Variants in DTL observed in about 807,000 individuals in gnomAD.
DTL encodes denticleless protein homolog.
A neutral mutation model predicts 87.0 loss-of-function variants in DTL; 46 were observed. The ratio of observed to expected loss-of-function variants is 0.53; its 90% CI spans 0.42 to 0.68. The LOEUF is 0.68. Ranked by LOEUF, DTL falls within the 30% of genes least tolerant of loss-of-function variation. DTL has a pLI of 0.00. For missense variants in DTL, 737 were observed against 869.4 expected (o/e 0.85, Z 1.91); for synonymous variants, 308 against 311.2 (o/e 0.99, Z 0.11).
At chr1:212,100,125 A>T in intron 13 of DTL, 127 bp from the exon 14 acceptor site, 1 of 631,990 alleles carries the variant, frequency 1.6e-6, no homozygotes, top group South Asian at 2.4e-5. Flanking sequence ...GAATCAAGTG[A>T]TGTATACCTA....
At chr1:212,097,878 A>G (rs1031433199) in intron 13 of DTL, among the ~76,000 whole-genome samples, 16 of 144,262 alleles carry the variant, frequency 1.1e-4, no homozygotes, top group African/African-American at 3.1e-4. Flanking sequence ...CTGGGACTCA[A>G]TGTGTGCTGT....
rs551840594 is a variant in DTL at position 212,074,028 on chromosome 1, T to C, written c.1035+1815T>C. On this transcript the variant is annotated intron_variant, in intron 11 of 14. Transcript: ENST00000366991. The stretch of plus-strand genomic sequence containing the variant: ...TTTATTCCTACCACAGGTCTGTATC[T>C]TTTAAGGTTTGTTTCTTGTTAAAAA... 2.0e-5 allele frequency among the ~76,000 whole-genome samples: 3 copies of C among 152,098 alleles called. No individual in the cohort carries two copies. In the East Asian group the frequency reaches 5.8e-4, roughly 29 times the overall value.
intron 3 of DTL, among the ~76,000 whole-genome samples, chr1:212,045,585 A>G (rs1571940845): frequency 6.6e-6 from 1 of 152,256 alleles, no homozygotes; most frequent in Non-Finnish European, 1.5e-5. Flanking sequence ...AGAAGTAGAA[A>G]GAAAACACAC....
intron 7 of DTL, 99 bp downstream of exon 7, chr1:212,065,128 C>T: frequency 8.1e-6 from 7 of 867,696 alleles, no homozygotes; most frequent in Non-Finnish European, 1.3e-5. Context: ...TCATGATTCT[C>T]ATTTGATATC....
At chr1:212,087,076 G>A (rs1252551707) in intron 13 of DTL, among the ~76,000 whole-genome samples, 2 of 152,122 alleles carry the variant, frequency 1.3e-5, no homozygotes, top group Admixed American at 6.5e-5. Context: ...TTATTCTAAG[G>A]ACCTACTTGG....
At position 212,078,165 on chromosome 1, in the gene DTL, T is replaced by A; in HGVS notation, c.1036-8T>A. 1.3e-6 allele frequency: 2 copies of A among 1,566,038 alleles called. No individual in the cohort carries two copies. Among genetic ancestry groups the A allele is most frequent in the South Asian group, 2.2e-5 (2 of 89,648 alleles). ...CTTTGCTGACTTGTTTGTTTTTGAT[T>A]GGACTAGGTCTCCACACCCTGGCAA... is the stretch of plus-strand genomic sequence containing the variant. On this transcript the variant is annotated splice_polypyrimidine_tract_variant and splice_region_variant and intron_variant, in intron 11 of 14. Transcript: ENST00000366991.
In DTL at chr1:212,101,077, C is replaced by A. The variant is rs1298588306; in HGVS notation, c.2087C>A (p.Pro696Gln). ...AGGAGACAGAGCGGAAAGAAATTGC[C>A]AAGCCCGGTAAGTCAGCAGTGGTGG... Reference protein sequence around the residue: ...NSRRQSGKKLPSPVTITPSSM... With the variant: ...NSRRQSGKKLQSPVTITPSSM... The change falls in exon 14 of 15, where the codon CCA (proline) becomes CAA (glutamine). Residue 696 changes from proline to glutamine, a missense_variant. Physicochemically the swap from Pro to Gln is moderately conservative, Grantham distance 76 (BLOSUM62 -1). Transcript: ENST00000366991. 6.2e-7 allele frequency: 1 copy of A among 1,600,692 alleles called. No homozygotes were observed. Among genetic ancestry groups the A allele is most frequent in the South Asian group, 1.1e-5 (1 of 88,360 alleles).
At chr1:212,066,943 G>A (rs1332051152) in intron 8 of DTL, 58 bp downstream of exon 8, 4 of 1,374,492 alleles carry the variant, frequency 2.9e-6, no homozygotes, top group Non-Finnish European at 4.1e-6. Context: ...TTGTGATGAG[G>A]CAGTCACATA....
At chr1:212,049,880 C>CT (rs78685898) in intron 5 of DTL, among the ~76,000 whole-genome samples, 29 of 146,942 alleles carry the variant, frequency 2.0e-4, no homozygotes, top group East Asian at 7.9e-4. Flanking sequence ...AATATGAATA[C>CT]TTTTTTTTTT....
intron 1 of DTL, among the ~76,000 whole-genome samples, chr1:212,039,287 G>T (rs765772816): frequency 2.0e-5 from 3 of 152,166 alleles, no homozygotes; most frequent in Non-Finnish European, 4.4e-5. Context: ...TCTTTTTAAA[G>T]AGATGAATTT....
rs115196502 is a variant in DTL at position 212,078,160 on chromosome 1, T to G, written c.1036-13T>G. ...TATTGCTTTGCTGACTTGTTTGTTT[T>G]TGATTGGACTAGGTCTCCACACCCT... On this transcript the variant is annotated splice_polypyrimidine_tract_variant and intron_variant, in intron 11 of 14. Coordinates refer to ENST00000366991, the MANE Select transcript of DTL (RefSeq NM_016448.4). The G allele has an allele frequency of 8.4e-6, 13 of 1,545,106 alleles. No homozygotes were observed. The highest frequency in any genetic ancestry group is 1.2e-5 in the Non-Finnish European group (13 of 1,118,880).
Position 212,043,106 on chromosome 1 carries a change from A to G in DTL, c.166A>G (p.Thr56Ala). The change falls in exon 2 of 15, where the codon ACC (threonine) becomes GCC (alanine). Residue 56 changes from threonine (T) to alanine (A), a missense_variant. By Grantham distance (58) the Thr-to-Ala change is moderately conservative. Coordinates refer to ENST00000366991, the MANE Select transcript of DTL (RefSeq NM_016448.4). ...TGVPVPPFGC[T>A]FSSAPNMEHV... ...AGTCCCAGTTCCTCCTTTTGGATGT[A>G]CCTTCTCTTCTGGTAAGAGAATTAC... 1 of 1,612,398 alleles carries G rather than the reference A, an allele frequency of 6.2e-7. No individual in the cohort carries two copies. Among genetic ancestry groups the G allele is most frequent in the Non-Finnish European group, 8.5e-7 (1 of 1,179,334 alleles).
chr1:212,084,934 T>C (rs1571974840), intron 13 of DTL, among the ~76,000 whole-genome samples: 1 of 152,218 alleles, frequency 6.6e-6, no homozygotes, highest in South Asian at 2.1e-4. Context: ...TCATTATCTA[T>C]GATGTAGTAT....
intron 5 of DTL, among the ~76,000 whole-genome samples, chr1:212,050,745 A>G (rs1479446336): frequency 1.7e-5 from 2 of 120,048 alleles, no homozygotes; most frequent in Non-Finnish European, 3.7e-5. Flanking sequence ...CTATTTTCCC[A>G]AATATCTTAA....
chr1:212,036,528 T>C (rs187518530), intron 1 of DTL, among the ~76,000 whole-genome samples: 1 of 152,340 alleles, frequency 6.6e-6, no homozygotes, highest in African/African-American at 2.4e-5. Flanking sequence ...TGACCCCTGT[T>C]AATAGATTGA....
At chr1:212,038,334 T>G (rs1335545716) in intron 1 of DTL, among the ~76,000 whole-genome samples, 1 of 152,224 alleles carries the variant, frequency 6.6e-6, no homozygotes, top group Non-Finnish European at 1.5e-5. Context: ...ATAAAAGCTG[T>G]GTGGGTTGAT....
chr1:212,041,980 G>T (rs1259760634), intron 1 of DTL, among the ~76,000 whole-genome samples: 1 of 152,128 alleles, frequency 6.6e-6, no homozygotes, highest in African/African-American at 2.4e-5. Context: ...TTTGTCTGAG[G>T]TTATGTCAGG....
chr1:212,059,242 T>TA (rs1668265454), intron 5 of DTL, among the ~76,000 whole-genome samples: 1 of 150,274 alleles, frequency 6.7e-6, no homozygotes, highest in African/African-American at 2.5e-5. Flanking sequence ...CTACAGAACA[T>TA]ACGGACATAG....
At chr1:212,038,083 A>C (rs898521332) in intron 1 of DTL, among the ~76,000 whole-genome samples, 1 of 152,102 alleles carries the variant, frequency 6.6e-6, no homozygotes, top group African/African-American at 2.4e-5. Context: ...ACTCACACAC[A>C]CTCATTGTCT....
Sources: allele counts gnomAD v4.1 joint callset (sites outside exome capture counted in the v4.1 genomes callset), GRCh38; gene constraint gnomAD v4.1.1; transcripts MANE v1.5; gene names NCBI Gene and HGNC (gene_info 2026-07-23, HGNC 2026-07-21).